ZNF91: variants seen among roughly 807,000 people sequenced by gnomAD.
The protein encoded by ZNF91 is zinc finger protein 91 (HPF7, HTF10).
Under a neutral mutation model 12.6 loss-of-function variants are expected in ZNF91, and 7 were observed. The ratio of observed to expected loss-of-function variants is 0.55; its 90% CI spans 0.31 to 1.04. ZNF91 has a LOEUF of 1.04. Among genes scored for constraint, ZNF91 ranks in the 50% least tolerant of loss-of-function variants. The pLI is 0.05. For synonymous variants in ZNF91, 453 were observed against 462.6 expected, an observed-to-expected ratio of 0.98 and a Z score of 0.27; for missense variants, 1,217 against 1,385.4, an observed-to-expected ratio of 0.88 and a Z score of 1.93.
intron 3 of ZNF91, among the ~76,000 whole-genome samples, chr19:23,346,057 A>G (rs902068048): frequency 1.3e-5 from 2 of 152,132 alleles, no homozygotes; most frequent in African/African-American, 4.8e-5. Context: ...GCTGTGCTAC[A>G]GTGCCCCCTT....
At chr19:23,321,934 A>T (rs1967704767) in intron 1 of ZNF91, among the ~76,000 whole-genome samples, 1 of 152,180 alleles carries the variant, frequency 6.6e-6, no homozygotes, top group African/African-American at 2.4e-5. Context: ...GGGGGCATTG[A>T]GAAGTATCTC....
chr19:23,382,575 C>T (rs981264836), intron 1 of ZNF91, among the ~76,000 whole-genome samples: 4 of 152,138 alleles, frequency 2.6e-5, no homozygotes, highest in African/African-American at 4.8e-5. Flanking sequence ...ACATAACATA[C>T]ATTCTTCTCA....
chr19:23,311,039 A>G (rs1259825983), upstream of ZNF91, among the ~76,000 whole-genome samples: 2 of 152,190 alleles, frequency 1.3e-5, no homozygotes, highest in African/African-American at 4.8e-5. Context: ...ATTTTGACAT[A>G]TCACTGGATC....
chr19:23,374,115 A>C (rs1473715216), intron 2 of ZNF91, among the ~76,000 whole-genome samples: 1 of 152,092 alleles, frequency 6.6e-6, no homozygotes, highest in African/African-American at 2.4e-5. Context: ...AATTACCACT[A>C]ATCTAAAGTG....
chr19:23,372,759 A>G (rs1430534874), intron 3 of ZNF91, among the ~76,000 whole-genome samples: 1 of 152,180 alleles, frequency 6.6e-6, no homozygotes, highest in African/African-American at 2.4e-5. Context: ...AAGCAGGTCC[A>G]TGATTCAGTT....
chr19:23,340,826 T>C (rs985100014), intron 3 of ZNF91, among the ~76,000 whole-genome samples: 1 of 151,000 alleles, frequency 6.6e-6, no homozygotes, highest in Non-Finnish European at 1.5e-5. Flanking sequence ...AGGGTAAATA[T>C]GCAAGCTACA....
Position 23,374,913 on chromosome 19 carries a change from A to T in ZNF91, c.31-149T>A, listed in dbSNP as rs1045158023. On this transcript the variant is annotated intron_variant, in intron 1 of 3. Transcript: ENST00000300619. ...TCCAATAAAATAATTGTCAACACAC[A>T]AACGTTTTGTAATGTATTCTCTAAC... is the stretch of plus-strand genomic sequence containing the variant. The T allele has an allele frequency of 2.0e-5, 26 of 1,329,936 alleles. No homozygotes were observed. In the South Asian group the frequency reaches 3.6e-4, roughly 18 times the overall value. 82.4% of individuals were successfully genotyped at this position (1,329,936 alleles called of 1,614,324 possible). A position where few individuals can be genotyped will look rare whatever the true frequency, so the allele number is the denominator to read the frequency against.
chr19:23,355,213 C>T (rs907306237), downstream of ZNF91, among the ~76,000 whole-genome samples: 1 of 152,162 alleles, frequency 6.6e-6, no homozygotes, highest in African/African-American at 2.4e-5. Flanking sequence ...TCAAACTATA[C>T]TGTAAGGCCA....
intron 1 of ZNF91, among the ~76,000 whole-genome samples, chr19:23,329,314 A>C (rs186440258): frequency 6.6e-6 from 1 of 152,284 alleles, no homozygotes; most frequent in Non-Finnish European, 1.5e-5. Flanking sequence ...TTCGGGTAGG[A>C]AGCAAGCTAG....
At chr19:23,379,000 A>T (rs1180138601) in intron 1 of ZNF91, among the ~76,000 whole-genome samples, 1 of 148,864 alleles carries the variant, frequency 6.7e-6, no homozygotes, top group African/African-American at 2.5e-5. Context: ...AGGAGCAAAC[A>T]CAGGATGACT....
intron 3 of ZNF91, among the ~76,000 whole-genome samples, chr19:23,370,634 G>A (rs1969239755): frequency 6.6e-6 from 1 of 152,018 alleles, no homozygotes; most frequent in Non-Finnish European, 1.5e-5. Context: ...TCAAGTAGCT[G>A]GGACCACAGG....
downstream of ZNF91, among the ~76,000 whole-genome samples, chr19:23,335,351 C>A (rs1435686677): frequency 6.6e-6 from 1 of 152,210 alleles, no homozygotes; most frequent in Non-Finnish European, 1.5e-5. Context: ...CTCTTCAAAG[C>A]TGTCAGACAG....
chr19:23,368,893 C>T (rs954051219), intron 3 of ZNF91, among the ~76,000 whole-genome samples: 2 of 151,970 alleles, frequency 1.3e-5, no homozygotes, highest in Admixed American at 6.6e-5. Context: ...TGAAAGGACA[C>T]ACAAAATTAC....
At chr19:23,321,788 A>G (rs1025114338) in intron 1 of ZNF91, among the ~76,000 whole-genome samples, 1 of 152,064 alleles carries the variant, frequency 6.6e-6, no homozygotes, top group Admixed American at 6.5e-5. Flanking sequence ...AGAGATTGTT[A>G]CATATCTCTG....
At chr19:23,386,501 T>C (rs1969878764) in intron 1 of ZNF91, among the ~76,000 whole-genome samples, 2 of 152,168 alleles carry the variant, frequency 1.3e-5, no homozygotes, top group East Asian at 3.9e-4. Context: ...CCAGAAATAA[T>C]GCCACACACC....
Position 23,359,614 on chromosome 19 carries a change from G to A in ZNF91, c.3365C>T (p.Thr1122Ile). ...TCCAGTGTGAATTATCTTATGTTTA[G>A]TAAGAGCTGAGGACTCTTTAAAGGC... Reference protein sequence around the residue: ...GKAFKESSALTKHKIIHTGEK... With the variant: ...GKAFKESSALIKHKIIHTGEK... The change falls in exon 4 of 4, where the codon ACT becomes ATT. Residue 1122 changes from threonine (T) to isoleucine (I), a missense_variant. Physicochemically the swap from Thr to Ile is moderately conservative, Grantham distance 89 (BLOSUM62 -1). Transcript: ENST00000300619. 1.9e-6 allele frequency: 3 copies of A among 1,613,938 alleles called. No homozygotes were observed. Among genetic ancestry groups the A allele is most frequent in the East Asian group, 2.2e-5 (1 of 44,870 alleles).
intron 1 of ZNF91, among the ~76,000 whole-genome samples, chr19:23,387,023 C>T (rs1324187325): frequency 6.6e-6 from 1 of 152,088 alleles, no homozygotes; most frequent in African/African-American, 2.4e-5. Flanking sequence ...CGAAAGAAGA[C>T]AAACATTTGG....
At chr19:23,341,803 G>T (rs1473644196) in intron 3 of ZNF91, among the ~76,000 whole-genome samples, 1 of 152,082 alleles carries the variant, frequency 6.6e-6, no homozygotes, top group East Asian at 1.9e-4. Context: ...ACACATTTCA[G>T]ACATGATGGG....
chr19:23,393,055 T>G (rs546884822), intron 1 of ZNF91, among the ~76,000 whole-genome samples: 41 of 152,002 alleles, frequency 2.7e-4, no homozygotes, highest in African/African-American at 9.9e-4. Context: ...TTTTTTGGGT[T>G]TTTTTTTGTT....
Sources: allele counts gnomAD v4.1 joint callset (sites outside exome capture counted in the v4.1 genomes callset), GRCh38; gene constraint gnomAD v4.1.1; transcripts MANE v1.5; gene names NCBI Gene and HGNC (gene_info 2026-07-23, HGNC 2026-07-21).